PLK5: variants seen among roughly 807,000 people sequenced by gnomAD.
PLK5 encodes the protein inactive serine/threonine-protein kinase PLK5.
PLK5 carries 28 observed loss-of-function variants against 33.7 expected under a neutral mutation model. The ratio of observed to expected loss-of-function variants is 0.83; its 90% confidence interval spans 0.62 to 1.14. The LOEUF (loss-of-function observed/expected upper bound fraction) is 1.14. Ranked by LOEUF, PLK5 falls within the 50% of genes most tolerant of loss-of-function variation. PLK5 has a pLI of 0.00. For synonymous variants in PLK5, 225 were observed against 202.2 expected, an observed-to-expected ratio of 1.11 and a Z score of -0.96; for missense variants, 492 against 461.5, an observed-to-expected ratio of 1.07 and a Z score of -0.61.
chr19:1,529,456 G>C lies in PLK5; in HGVS notation c.456G>C (p.Leu152=). The change falls in exon 10 of 14, where the codon CTG becomes CTC. Residue 152 remains leucine (L), a synonymous_variant. Coordinates refer to ENST00000454744, the MANE Select transcript of PLK5 (RefSeq NM_001243079.2). ...EVPCLEGPIH[L]VAQGTLQSDL... The stretch of plus-strand genomic sequence containing the variant: ...CCTGCCTGGAAGGCCCCATCCACCT[G>C]GTCGCACAAGGGACCCTGCAGAGTG... The C allele has an allele frequency of 6.5e-7, 1 of 1,536,044 alleles. No individual in the cohort carries two copies. The highest frequency in any genetic ancestry group is 8.7e-7 in the Non-Finnish European group (1 of 1,146,854).
At chr19:1,531,593 A>G in intron 11 of PLK5, 145 bp from the exon 12 acceptor site, 1 of 933,866 alleles carries the variant, frequency 1.1e-6, no homozygotes, top group Non-Finnish European at 1.5e-6. Context: ...GTCTCCTAGA[A>G]TCCACCACCG....
At chr19:1,534,198 C>T (rs1254909126) in intron 13 of PLK5, among the ~76,000 whole-genome samples, 157 bp downstream of exon 13, 5 of 151,426 alleles carry the variant, frequency 3.3e-5, no homozygotes, top group Admixed American at 6.6e-5. Context: ...CGTACAAAAC[C>T]ACAGCATGGA....
At chr19:1,527,042 G>C in intron 6 of PLK5, 44 bp downstream of exon 6, 3 of 1,033,564 alleles carry the variant, frequency 2.9e-6, no homozygotes, top group Non-Finnish European at 4.1e-6. Context: ...TCCGGGGGGG[G>C]CAGGTGTGGC....
rs929681518 is a variant in PLK5, at chr19:1,524,669, C to T, written c.-544+423C>T. ...GTTGCTTGTTCACCTGTTGTTTGTG[C>T]GTCATGCCTTTGTGTGTCCAGTCAT... On this transcript the variant is annotated intron_variant, in intron 1 of 13. Transcript: ENST00000454744. The surrounding 1 kb of genome is among the most constrained non-coding windows in gnomAD (Gnocchi z 4.5). Among the ~76,000 whole-genome samples the T allele has an allele frequency of 6.6e-6, 1 of 150,864 alleles. No individual in the cohort carries two copies. Among genetic ancestry groups the T allele is most frequent in the African/African-American group, 2.4e-5 (1 of 40,938 alleles).
At chr19:1,531,263 G>A (rs555020776) in intron 11 of PLK5, among the ~76,000 whole-genome samples, 1 of 151,952 alleles carries the variant, frequency 6.6e-6, no homozygotes, top group Admixed American at 6.6e-5. Context: ...ACAAAAATTA[G>A]CTGGGTGTGG....
chr19:1,524,631 G>C lies in PLK5; in HGVS notation c.-544+385G>C, dbSNP rs1306209786. 7.4e-6 allele frequency among the ~76,000 whole-genome samples: 1 copy of C among 135,198 alleles called. No individual in the cohort carries two copies. The highest frequency in any genetic ancestry group is 1.6e-5 in the Non-Finnish European group (1 of 62,180). 88.7% of individuals were successfully genotyped at this position (135,198 alleles called of 152,430 possible). ...TGTGTGTGTGTGTGTGTGTGTGTGT[G>C]TCTGGGTGTTGTGTTGCTTGTTCAC... On this transcript the variant is annotated intron_variant, in intron 1 of 13. Coordinates refer to ENST00000454744, the MANE Select transcript of PLK5 (RefSeq NM_001243079.2). This position sits in a 1 kb window ranked among gnomAD's most constrained non-coding sequence, Gnocchi z 4.5.
At chr19:1,528,274 G>A (rs1359566307) in intron 7 of PLK5, 28 bp from the exon 8 acceptor site, 19 of 1,535,764 alleles carry the variant, frequency 1.2e-5, no homozygotes, top group Admixed American at 5.9e-5. Flanking sequence ...GACCTAAGCC[G>A]GGGATAACCC....
At position 1,535,144 on chromosome 19, in the gene PLK5, G is replaced by T. The variant is rs1177742018; in HGVS notation, c.905G>T (p.Gly302Val). The change falls in exon 14 of 14, where the codon GGG (glycine) becomes GTG (valine). Residue 302 changes from glycine to valine, a missense_variant. Transcript: ENST00000454744. ...TTGCAGCTCACCCTCTGGGAGCAGG[G>T]GTCCCCTGGCACCTCCTACTCCCTG... Reference protein sequence around the residue: ...EGLQLTLWEQGSPGTSYSLDV... With the variant: ...EGLQLTLWEQVSPGTSYSLDV... The T allele has an allele frequency of 1.3e-6, 2 of 1,535,860 alleles. No homozygotes were observed. Among genetic ancestry groups the T allele is most frequent in the Non-Finnish European group, 1.7e-6 (2 of 1,146,756 alleles).
chr19:1,534,990 C>A, intron 13 of PLK5, 75 bp from the exon 14 acceptor site: 2 of 1,326,848 alleles, frequency 1.5e-6, no homozygotes, highest in Non-Finnish European at 1.0e-6. Context: ...GTCCACTTGT[C>A]CTTCTGGAGC....
chr19:1,529,039 C>T (rs1913846365), intron 9 of PLK5, 65 bp downstream of exon 9: 2 of 1,359,972 alleles, frequency 1.5e-6, no homozygotes, highest in South Asian at 1.5e-5. Context: ...CCTGCTAAAA[C>T]CCCCTCCCCC....
At chr19:1,531,686 C>CTA (rs1913932628) in intron 11 of PLK5, 52 bp from the exon 12 acceptor site, 1 of 1,524,898 alleles carries the variant, frequency 6.6e-7, no homozygotes, top group African/African-American at 1.4e-5. Context: ...TGAGTGCCTA[C>CTA]TATATGCCTG....
At chr19:1,533,590 G>A in intron 12 of PLK5, 3 of 503,712 alleles carry the variant, frequency 6.0e-6, no homozygotes, top group Non-Finnish European at 7.0e-6. Context: ...AGCCGCACTG[G>A]GCATATGGAT....
In PLK5 at chr19:1,527,430, T is replaced by C. The variant is rs149433174; in HGVS notation, c.2+432T>C. Among the ~76,000 whole-genome samples the C allele has an allele frequency of 1.9e-4, 29 of 152,102 alleles. No individual in the cohort carries two copies. In the East Asian group the frequency reaches 5.0e-3, roughly 26 times the overall value. On this transcript the variant is annotated intron_variant, in intron 6 of 13. Coordinates refer to ENST00000454744, the MANE Select transcript of PLK5 (RefSeq NM_001243079.2). ...CAGCCTGGCCAAGTTGGTGAAACCC[T>C]GTCTCTACAAAAATTACAAAAATTA...
chr19:1,527,872 A>G, intron 6 of PLK5, 64 bp from the exon 7 acceptor site: 1 of 1,466,774 alleles, frequency 6.8e-7, no homozygotes, highest in Non-Finnish European at 9.1e-7. Flanking sequence ...GGTCTGGCCA[A>G]GTGTGCAGGG....
intron 11 of PLK5, among the ~76,000 whole-genome samples, chr19:1,530,155 T>C (rs1302624404): frequency 6.6e-6 from 1 of 151,976 alleles, no homozygotes; most frequent in Non-Finnish European, 1.5e-5. Flanking sequence ...ACCCCTCTTA[T>C]CCCCAGTGTC....
At chr19:1,532,905 A>T (rs1435657479) in intron 12 of PLK5, among the ~76,000 whole-genome samples, 3 of 151,390 alleles carry the variant, frequency 2.0e-5, no homozygotes, top group African/African-American at 4.9e-5. Flanking sequence ...TGACCTCGTG[A>T]TCTGCCCGCC....
chr19:1,528,295 T>C lies in PLK5; in HGVS notation c.202-7T>C, dbSNP rs1230856474. 6.5e-7 allele frequency: 1 copy of C among 1,535,730 alleles called. No homozygotes were observed. The highest frequency in any genetic ancestry group is 8.7e-7 in the Non-Finnish European group (1 of 1,146,750). ...AGCCGGGGATAACCCCAAATCCCCA[T>C]CCAAAGGGTTTCACTCCAGACCGGC... is the stretch of plus-strand genomic sequence containing the variant. On this transcript the variant is annotated splice_polypyrimidine_tract_variant and splice_region_variant and intron_variant, in intron 7 of 13. Coordinates refer to ENST00000454744, the MANE Select transcript of PLK5 (RefSeq NM_001243079.2).
chr19:1,534,864 G>T (rs1305682783), intron 13 of PLK5, among the ~76,000 whole-genome samples: 1 of 151,752 alleles, frequency 6.6e-6, no homozygotes, highest in Non-Finnish European at 1.5e-5. Flanking sequence ...GGGCAGGGGA[G>T]CCCCCATCTG....
intron 10 of PLK5, 95 bp downstream of exon 10, chr19:1,529,585 G>A: frequency 2.1e-6 from 3 of 1,436,982 alleles, no homozygotes; most frequent in East Asian, 2.5e-5. Context: ...CAGGGTCACA[G>A]CCGCCGTCCC....
Sources: allele counts gnomAD v4.1 joint callset (sites outside exome capture counted in the v4.1 genomes callset), GRCh38; gene constraint gnomAD v4.1.1; non-coding constraint Gnocchi (gnomAD v3.1); transcripts MANE v1.5; gene names NCBI Gene and HGNC (gene_info 2026-07-23, HGNC 2026-07-21).